The following WDR20 variants were observed in gnomAD, a reference collection of about 807,000 sequenced individuals.
The protein encoded by WDR20 is WD repeat domain 20.
In WDR20, 3 loss-of-function variants were observed where a neutral mutation model predicts 38.7. The observed-to-expected ratio is 0.08, with a 90% confidence interval of 0.04 to 0.20. The LOEUF (loss-of-function observed/expected upper bound fraction) is 0.20. WDR20 is among the 10% of genes least tolerant of loss of function. The pLI, the probability that WDR20 is intolerant of heterozygous loss-of-function variation, is 1.00. For synonymous variants in WDR20, 298 were observed against 285.6 expected, an observed-to-expected ratio of 1.04 and a Z score of -0.44; for missense variants, 559 against 727.7, an observed-to-expected ratio of 0.77 and a Z score of 2.67.
chr14:102,209,841 A>T lies in WDR20; in HGVS notation c.1671A>T (p.Thr557=). The change falls in exon 3 of 3, where the codon ACA becomes ACT. Residue 557 remains threonine (T), a synonymous_variant. Coordinates refer to ENST00000342702, the MANE Select transcript of WDR20 (RefSeq NM_144574.4). This position sits in a 1 kb window ranked among gnomAD's most constrained non-coding sequence, Gnocchi z 6.0. ...VTACQEGFIC[T]WGRPGKVVSF... is the part of the protein sequence containing the mutation. ...CTTGTCAGGAGGGATTTATTTGCAC[A>T]TGGGGAAGGCCTGGTAAAGTGGTAA... The T allele has an allele frequency of 6.2e-7, 1 of 1,613,348 alleles. No homozygotes were observed. The highest frequency in any genetic ancestry group is 8.5e-7 in the Non-Finnish European group (1 of 1,179,650).
chr14:102,145,268 A>C (rs2053191613), intron 1 of WDR20, among the ~76,000 whole-genome samples: 1 of 152,220 alleles, frequency 6.6e-6, no homozygotes, highest in South Asian at 2.1e-4. Context: ...CCCAAAAGTA[A>C]CTTGGGTATT....
chr14:102,208,827 C>T lies in WDR20; in HGVS notation c.657C>T (p.Gly219=), dbSNP rs991054150. ...ACCCTCTCCTTAAGTGGACGGTGGG[C>T]GAGGGGGCCCTCAACGAGTTTGCTT... ...TRNPLLKWTV[G]EGALNEFAFS... is the part of the protein sequence containing the mutation. The change falls in exon 3 of 3, where the codon GGC becomes GGT. Residue 219 remains glycine, a synonymous_variant. Transcript: ENST00000342702. The surrounding 1 kb of genome is among the most constrained non-coding windows in gnomAD (Gnocchi z 5.6). 6 of 1,614,224 alleles carry T rather than the reference C, an allele frequency of 3.7e-6. No homozygotes were observed. The highest frequency in any genetic ancestry group is 5.1e-6 in the Non-Finnish European group (6 of 1,180,038).
At chr14:102,174,925 ATTTGT>A (rs1246266764) in intron 1 of WDR20, among the ~76,000 whole-genome samples, 2 of 151,614 alleles carry the variant, frequency 1.3e-5, no homozygotes, top group Non-Finnish European at 2.9e-5. Flanking sequence ...TTTCTTGCTG[ATTTGT>A]TTTAGTTTCT....
chr14:102,192,530 C>T (rs1372486083), intron 1 of WDR20, among the ~76,000 whole-genome samples: 2 of 152,072 alleles, frequency 1.3e-5, no homozygotes, highest in African/African-American at 4.8e-5. Context: ...ATTTAAAATG[C>T]TTCCATCTTT....
intron 1 of WDR20, chr14:102,157,165 G>A (rs1389895384): frequency 6.6e-6 from 1 of 152,108 alleles, no homozygotes; most frequent in African/African-American, 2.4e-5. Context: ...AAGAGGCTGA[G>A]GTGGGAGGAT....
intron 1 of WDR20, among the ~76,000 whole-genome samples, chr14:102,156,097 A>C (rs961881458): frequency 6.6e-6 from 1 of 151,348 alleles, no homozygotes; most frequent in Non-Finnish European, 1.5e-5. Context: ...AGATGTTTTC[A>C]TATCACATTG....
intron 1 of WDR20, among the ~76,000 whole-genome samples, chr14:102,177,735 C>T (rs1201540662): frequency 6.6e-6 from 1 of 152,134 alleles, no homozygotes; most frequent in Admixed American, 6.5e-5. Context: ...CAGGCTTCCG[C>T]AGTTATCTAT....
At position 102,222,912 on chromosome 14, in the gene WDR20, C is replaced by T. The variant is rs762449684; in HGVS notation, c.*29C>T. 26 of 1,613,464 alleles carry T rather than the reference C, an allele frequency of 1.6e-5. No individual in the cohort carries two copies. The highest frequency in any genetic ancestry group is 5.3e-5 in the African/African-American group (4 of 74,910). On this transcript the variant is annotated 3_prime_UTR_variant, in exon 4 of 4. Transcript: ENST00000335263. The surrounding 1 kb of genome is among the most constrained non-coding windows in gnomAD (Gnocchi z 4.4). ...CCTCACTGCTGCGCGCACAGTCTCC[C>T]GGGACTTGGACTCGAGGGAGTGACG... is the stretch of plus-strand genomic sequence containing the variant.
At chr14:102,196,419 T>A (rs2059418606) in intron 2 of WDR20, among the ~76,000 whole-genome samples, 1 of 152,192 alleles carries the variant, frequency 6.6e-6, no homozygotes, top group African/African-American at 2.4e-5. Context: ...GATTATTTTT[T>A]TGGTGCTGAG....
chr14:102,209,384 A>G lies in WDR20; in HGVS notation c.1214A>G (p.Asn405Ser), dbSNP rs200529281. 2.5e-6 allele frequency: 4 copies of G among 1,614,186 alleles called. No individual in the cohort carries two copies. Among genetic ancestry groups the G allele is most frequent in the Non-Finnish European group, 2.5e-6 (3 of 1,180,036 alleles). The change falls in exon 3 of 3, where the codon AAT (asparagine) becomes AGT (serine). Residue 405 changes from asparagine (N) to serine (S), a missense_variant. Asn to Ser is a conservative substitution (Grantham distance 46, BLOSUM62 1). Coordinates refer to ENST00000342702, the MANE Select transcript of WDR20 (RefSeq NM_144574.4). The surrounding 1 kb of genome is among the most constrained non-coding windows in gnomAD (Gnocchi z 6.0). ...GCAAGGACACACACAAATGTCATGA[A>G]TGCCACGAGTCCTCCTGCTGGAAGC... ...SRARTHTNVM[N>S]ATSPPAGSNG...
intron 1 of WDR20, among the ~76,000 whole-genome samples, chr14:102,170,819 T>C (rs896201781): frequency 8.5e-5 from 13 of 152,100 alleles, no homozygotes; most frequent in African/African-American, 3.1e-4. Flanking sequence ...CCTTAATCTG[T>C]GATCTGAGGG....
chr14:102,212,139 A>G (rs2062620789), downstream of WDR20, among the ~76,000 whole-genome samples: 1 of 151,822 alleles, frequency 6.6e-6, no homozygotes, highest in Non-Finnish European at 1.5e-5. Context: ...TTTGAAAACA[A>G]CTCCGAAGTG....
At chr14:102,183,942 G>T (rs1298238310) in intron 1 of WDR20, among the ~76,000 whole-genome samples, 1 of 152,192 alleles carries the variant, frequency 6.6e-6, no homozygotes, top group Non-Finnish European at 1.5e-5. Context: ...GAAAGGCATA[G>T]AATTCTATCT....
intron 1 of WDR20, among the ~76,000 whole-genome samples, chr14:102,148,780 C>A (rs1467747833): frequency 6.6e-6 from 1 of 151,612 alleles, no homozygotes; most frequent in African/African-American, 2.4e-5. Flanking sequence ...GCAGCTTCAA[C>A]CTCCTGGGCT....
intron 1 of WDR20, among the ~76,000 whole-genome samples, chr14:102,179,441 TAAA>T (rs5811061): frequency 2.2e-5 from 3 of 136,100 alleles, no homozygotes; most frequent in Non-Finnish European, 4.7e-5. Flanking sequence ...TTTTTTTTTC[TAAA>T]AAAAAAAAAA....
intron 1 of WDR20, among the ~76,000 whole-genome samples, chr14:102,179,833 A>G (rs990741097): frequency 6.6e-6 from 1 of 152,132 alleles, no homozygotes; most frequent in Non-Finnish European, 1.5e-5. Flanking sequence ...AGTGCATTTA[A>G]AAAATGTAAA....
downstream of WDR20, chr14:102,213,869 C>T (rs568040461): frequency 3.6e-5 from 35 of 985,442 alleles, no homozygotes; most frequent in East Asian, 1.1e-3. Flanking sequence ...AAGGGATCCA[C>T]GGAAACCCAA....
downstream of WDR20, chr14:102,212,704 G>A (rs1567086826): frequency 1.5e-5 from 22 of 1,488,206 alleles, no homozygotes; most frequent in East Asian, 2.7e-4. Context: ...AGGGGTGGCC[G>A]CGGTGGTTCC....
At chr14:102,202,568 G>C (rs971020002) in intron 2 of WDR20, among the ~76,000 whole-genome samples, 1 of 151,714 alleles carries the variant, frequency 6.6e-6, no homozygotes, top group Non-Finnish European at 1.5e-5. Context: ...TTTTAGTAGA[G>C]ACAGGGTTTC....
Sources: gnomAD v4.1 joint callset for allele counts (sites outside exome capture counted in the v4.1 genomes callset) on GRCh38, gnomAD v4.1.1 for gene constraint, Gnocchi (gnomAD v3.1) non-coding constraint, MANE v1.5 for transcripts, NCBI Gene and HGNC (gene_info 2026-07-23, HGNC 2026-07-21) for gene names.